Variants in CFAP46 observed in about 807,000 individuals in gnomAD.
CFAP46 encodes cilia and flagella associated protein 46, also known as cilia- and flagella-associated protein 46.
A neutral mutation model predicts 325.7 loss-of-function variants in CFAP46; 245 were observed. That is an observed-to-expected ratio of 0.75 (90% CI 0.68 to 0.84). The LOEUF (loss-of-function observed/expected upper bound fraction) is 0.84, where lower values mean the gene tolerates loss of function less well. Among genes scored for constraint, CFAP46 ranks in the 40% least tolerant of loss-of-function variants. The probability of loss-of-function intolerance (pLI) is 0.00; values close to 1 mark genes in which losing one functional copy is unlikely to be tolerated. For synonymous variants in CFAP46, 1,523 were observed against 1,495.9 expected, an observed-to-expected ratio of 1.02 and a Z score of -0.42; for missense variants, 3,346 against 3,543.0, an observed-to-expected ratio of 0.94 and a Z score of 1.41.
intron 26 of CFAP46, among the ~76,000 whole-genome samples, 176 bp downstream of exon 26, chr10:132,885,645 A>G (rs553309100): frequency 1.2e-5 from 1 of 84,704 alleles, no homozygotes; most frequent in African/African-American, 4.3e-5. Flanking sequence ...GGGGGAGCAC[A>G]CTCCGGTGGG....
Position 132,928,352 on chromosome 10 carries a change from G to A in CFAP46, c.966+1353C>T, listed in dbSNP as rs114151883. On this transcript the variant is annotated intron_variant, in intron 9 of 57. Transcript: ENST00000368586. ...GATGGAAATGGGGCCCACAGAAGCC[G>A]GTAAAGGGCATCAAACACAGGAGCC... Among the ~76,000 whole-genome samples, 1,272 of 152,312 alleles carry A rather than the reference G, an allele frequency of 8.4e-3. 18 individuals carry two copies. Among genetic ancestry groups the A allele is most frequent in the African/African-American group, 0.028 (1,183 of 41,554 alleles).
At position 132,832,614 on chromosome 10, in the gene CFAP46, A is replaced by G; in HGVS notation, c.7117+744T>C. ...TCATCTGAGATGGAAGCAAAAGTCCAATCGATTTATTTTTAATTTTATTTG... is the reference window on the plus strand; with the variant it reads ...TCATCTGAGATGGAAGCAAAAGTCCGATCGATTTATTTTTAATTTTATTTG... On this transcript the variant is annotated intron_variant, in intron 50 of 57. Coordinates refer to ENST00000368586, the MANE Select transcript of CFAP46 (RefSeq NM_001200049.3). The surrounding 1 kb of genome is among the most constrained non-coding windows in gnomAD (Gnocchi z 4.1). 2.7e-6 allele frequency: 1 copy of G among 367,892 alleles called. No homozygotes were observed. Among genetic ancestry groups the G allele is most frequent in the South Asian group, 2.0e-5 (1 of 50,224 alleles). The allele number at this position is 367,892 out of a possible 1,614,324, so 22.8% of individuals were successfully genotyped here.
At position 132,832,484 on chromosome 10, in the gene CFAP46, C is replaced by T. The variant is rs1246519825; in HGVS notation, c.7117+874G>A. 3.5e-5 allele frequency: 8 copies of T among 226,276 alleles called. No homozygotes were observed. The highest frequency in any genetic ancestry group is 2.2e-4 in the Admixed American group (4 of 18,026). The allele number at this position is 226,276 out of a possible 1,614,324, so 14.0% of individuals were successfully genotyped here. On this transcript the variant is annotated intron_variant, in intron 50 of 57. Coordinates refer to ENST00000368586, the MANE Select transcript of CFAP46 (RefSeq NM_001200049.3). The surrounding 1 kb of genome is among the most constrained non-coding windows in gnomAD (Gnocchi z 4.1). ...CAGCCAAACCCCCTTCGAGGCCCCCCGTCCTGCGCGGACTGCTCGTCAATG... is the reference window on the plus strand; with the variant it reads ...CAGCCAAACCCCCTTCGAGGCCCCCTGTCCTGCGCGGACTGCTCGTCAATG...
intron 47 of CFAP46, among the ~76,000 whole-genome samples, 172 bp downstream of exon 47, chr10:132,835,132 C>T (rs7099254): frequency 6.6e-6 from 1 of 152,244 alleles, no homozygotes; most frequent in Non-Finnish European, 1.5e-5. Flanking sequence ...GTTCTCCCCC[C>T]ACATGGAGCT....
intron 35 of CFAP46, among the ~76,000 whole-genome samples, chr10:132,862,620 G>C (rs974394763): frequency 6.6e-6 from 1 of 151,962 alleles, no homozygotes; most frequent in Admixed American, 6.6e-5. Context: ...TGAGTGCTGA[G>C]GCTACAGTGG....
intron 32 of CFAP46, among the ~76,000 whole-genome samples, chr10:132,872,262 T>A (rs1401860446): frequency 2.0e-5 from 3 of 152,232 alleles, no homozygotes. Context: ...TTTTATCTTT[T>A]AAATTTTTAG....
At chr10:132,840,956 G>A (rs1482086108) in intron 44 of CFAP46, among the ~76,000 whole-genome samples, 1 of 152,166 alleles carries the variant, frequency 6.6e-6, no homozygotes, top group African/African-American at 2.4e-5. Context: ...GGGGCTGAGT[G>A]TGCCAGCTCA....
In CFAP46 at chr10:132,876,763, AC is replaced by A; in HGVS notation, c.4362+48del. On this transcript the variant is annotated intron_variant, in intron 31 of 57. Transcript: ENST00000368586. This position sits in a 1 kb window ranked among gnomAD's most constrained non-coding sequence, Gnocchi z 4.1. ...CTGGACTTGGGGACAGGTCAAGGGG[AC>A]ACCATGCTGTGACCAAGGTCTTGAG... 2.0e-6 allele frequency: 3 copies of A among 1,522,372 alleles called. No homozygotes were observed. The highest frequency in any genetic ancestry group is 2.6e-6 in the Non-Finnish European group (3 of 1,132,946). The allele number at this position is 1,522,372 out of a possible 1,614,324, so 94.3% of individuals were successfully genotyped here. A position where few individuals can be genotyped will look rare whatever the true frequency, so the allele number is the denominator to read the frequency against.
At chr10:132,845,643 C>G (rs1848421302) in intron 44 of CFAP46, among the ~76,000 whole-genome samples, 1 of 152,274 alleles carries the variant, frequency 6.6e-6, no homozygotes, top group East Asian at 1.9e-4. Flanking sequence ...AGCTGTCCTG[C>G]TCCACAGACA....
chr10:132,824,199 G>A (rs1847976047), intron 50 of CFAP46, among the ~76,000 whole-genome samples: 1 of 139,328 alleles, frequency 7.2e-6, no homozygotes, highest in African/African-American at 2.8e-5. Context: ...CTGTGTGAGT[G>A]CTGATGTGTG....
chr10:132,814,554 A>C (rs1245731867), intron 53 of CFAP46, 23 bp downstream of exon 53: 3 of 1,554,362 alleles, frequency 1.9e-6, no homozygotes, highest in South Asian at 2.4e-5. Context: ...GTGCCTGAAC[A>C]GGGAGCCCTG....
intron 39 of CFAP46, among the ~76,000 whole-genome samples, chr10:132,854,604 C>T (rs763645364): frequency 5.3e-5 from 8 of 152,012 alleles, no homozygotes; most frequent in Non-Finnish European, 1.0e-4. Flanking sequence ...CCCAAAGTGA[C>T]GGGATTACAC....
At chr10:132,825,197 C>CGCGGTGTGCTGTGTGT (rs1848022706) in intron 50 of CFAP46, among the ~76,000 whole-genome samples, 1 of 121,112 alleles carries the variant, frequency 8.3e-6, no homozygotes, top group Non-Finnish European at 1.7e-5. Flanking sequence ...GTGCTGTGTG[C>CGCGGTGTGCTGTGTGT]GCTGTGTGCT....
chr10:132,855,840 A>G (rs1024401660), intron 39 of CFAP46, among the ~76,000 whole-genome samples: 5 of 152,156 alleles, frequency 3.3e-5, no homozygotes, highest in African/African-American at 1.2e-4. Context: ...CATTGTTATT[A>G]TTGTTTAAGC....
At chr10:132,843,650 C>A (rs1848383160) in intron 44 of CFAP46, among the ~76,000 whole-genome samples, 1 of 129,904 alleles carries the variant, frequency 7.7e-6, no homozygotes, top group Non-Finnish European at 1.6e-5. Context: ...TGCTGTGGGG[C>A]TCTGGTCTCG....
Position 132,886,493 on chromosome 10 carries a change from GGAGGTGAGCCCCACCCA to G in CFAP46, c.3305-551_3305-535del, listed in dbSNP as rs1849133675. Among the ~76,000 whole-genome samples the G allele has an allele frequency of 1.3e-5, 2 of 152,164 alleles. No homozygotes were observed. Among genetic ancestry groups the G allele is most frequent in the Non-Finnish European group, 2.9e-5 (2 of 68,020 alleles). On this transcript the variant is annotated intron_variant, in intron 25 of 57. Coordinates refer to ENST00000368586, the MANE Select transcript of CFAP46 (RefSeq NM_001200049.3). The surrounding 1 kb of genome is among the most constrained non-coding windows in gnomAD (Gnocchi z 5.8). ...ACACACAAAAATCGCCTGCCTGCCG[GGAGGTGAGCCCCACCCA>G]GCCTCCATAGGGCGCCCTGTGGGCC...
intron 50 of CFAP46, among the ~76,000 whole-genome samples, chr10:132,819,637 C>T (rs374846943): frequency 6.6e-6 from 1 of 152,300 alleles, no homozygotes; most frequent in East Asian, 1.9e-4. Flanking sequence ...ACACACAATG[C>T]GGAAATGACG....
rs7096660 is a variant in CFAP46, at chr10:132,925,525, G to A, written c.1066-639C>T. On this transcript the variant is annotated intron_variant, in intron 10 of 57. Coordinates refer to ENST00000368586, the MANE Select transcript of CFAP46 (RefSeq NM_001200049.3). ...CAGCAGGTGAGTCGGGGAAGCAGCCGCACAACCCACAGCGCCACAGCCACA... is the reference window on the plus strand; with the variant it reads ...CAGCAGGTGAGTCGGGGAAGCAGCCACACAACCCACAGCGCCACAGCCACA... 1.4e-3 allele frequency among the ~76,000 whole-genome samples: 215 copies of A among 152,362 alleles called. 1 individual carries two copies. The highest frequency in any genetic ancestry group is 4.6e-3 in the African/African-American group (192 of 41,584).
rs1171912978 is a variant in CFAP46, at chr10:132,919,947, G to C, written c.1730+112C>G. 32 of 1,352,176 alleles carry C rather than the reference G, an allele frequency of 2.4e-5. No homozygotes were observed. Among genetic ancestry groups the C allele is most frequent in the South Asian group, 2.3e-4 (14 of 61,526 alleles). 83.8% of individuals were successfully genotyped at this position (1,352,176 alleles called of 1,614,324 possible). A position where few individuals can be genotyped will look rare whatever the true frequency, so the allele number is the denominator to read the frequency against. On this transcript the variant is annotated intron_variant, in intron 14 of 57. Transcript: ENST00000368586. The surrounding 1 kb of genome is among the most constrained non-coding windows in gnomAD (Gnocchi z 9.7). ...CATCCTGGAGCAGGTGGCCTGGCGA[G>C]TCCCCAGACGGCCACATGCAGGGTC...
Sources: gnomAD v4.1 joint callset for allele counts (sites outside exome capture counted in the v4.1 genomes callset) on GRCh38, gnomAD v4.1.1 for gene constraint, Gnocchi (gnomAD v3.1) non-coding constraint, MANE v1.5 for transcripts, NCBI Gene and HGNC (gene_info 2026-07-23, HGNC 2026-07-21) for gene names.